Variants in WNK3 observed in about 807,000 individuals in gnomAD.
WNK3 encodes serine/threonine-protein kinase WNK3.
In WNK3, 18 loss-of-function variants were observed where a neutral mutation model predicts 116.7. The ratio of observed to expected loss-of-function variants is 0.15; its 90% confidence interval spans 0.11 to 0.23. The LOEUF (loss-of-function observed/expected upper bound fraction) is 0.23, where lower values mean the gene tolerates loss of function less well. Ranked by LOEUF, WNK3 falls within the 10% of genes least tolerant of loss-of-function variation. WNK3 has a pLI of 1.00. For synonymous variants in WNK3, 404 were observed against 469.4 expected, an observed-to-expected ratio of 0.86 and a Z score of 1.80; for missense variants, 993 against 1,323.8, an observed-to-expected ratio of 0.75 and a Z score of 3.88.
intron 1 of WNK3, among the ~76,000 whole-genome samples, chrX:54,352,975 G>A (rs1210601637): frequency 8.9e-6 from 1 of 111,870 alleles, no homozygotes; most frequent in Non-Finnish European, 1.9e-5. Context: ...GACACAAAAG[G>A]TCATATATTA....
chrX:54,206,796 G>A (rs1362679167), intron 22 of WNK3, among the ~76,000 whole-genome samples: 1 of 111,939 alleles, frequency 8.9e-6, no homozygotes, highest in Non-Finnish European at 1.9e-5. Flanking sequence ...TTGGGAGGCC[G>A]AGGTGGCTGG....
At chrX:54,198,297 T>C (rs1557140640) in exon 24 of WNK3, 2 of 1,090,290 alleles carry the variant, frequency 1.8e-6, no homozygotes, top group South Asian at 2.8e-5. Flanking sequence ...TGAAAAAACC[T>C]CCCTTTTTAT....
intron 10 of WNK3, among the ~76,000 whole-genome samples, chrX:54,270,986 C>CT (rs1276564803): frequency 4.5e-5 from 5 of 111,627 alleles, no homozygotes; most frequent in Non-Finnish European, 7.5e-5. Flanking sequence ...ACCATGTTGG[C>CT]CAGGCTGGTC....
intron 1 of WNK3, among the ~76,000 whole-genome samples, chrX:54,355,079 C>T (rs782209431): frequency 8.1e-4 from 90 of 110,987 alleles, no homozygotes; most frequent in African/African-American, 2.8e-3. Context: ...GCGAGACTCC[C>T]TCTAAAAAAT....
At chrX:54,222,800 C>G (rs1470782558) in intron 22 of WNK3, among the ~76,000 whole-genome samples, 2 of 102,187 alleles carry the variant, frequency 2.0e-5, no homozygotes, top group Non-Finnish European at 3.9e-5. Context: ...CACTTGAACC[C>G]GGGAGGTGGA....
At chrX:54,251,621 C>T in exon 14 of WNK3, 1 of 1,210,790 alleles carries the variant, frequency 8.3e-7, no homozygotes, top group Non-Finnish European at 1.1e-6. Context: ...TGGGCTTGAC[C>T]TACAATAGCT....
Position 54,347,522 on chromosome X carries a change from C to T in WNK3, c.-120+10164G>A, listed in dbSNP as rs141278856. Among the ~76,000 whole-genome samples, 367 of 108,729 alleles carry T rather than the reference C, an allele frequency of 3.4e-3. 2 individuals are homozygous for T. Among genetic ancestry groups the T allele is most frequent in the African/African-American group, 0.012 (363 of 29,984 alleles). 94.4% of individuals were successfully genotyped at this position (108,729 alleles called of 115,157 possible). ...AATAAATAGCCAGGCATGTAGTATG[C>T]GCCTGTAGTCCCAGCTACTTGGGAG... On this transcript the variant is annotated intron_variant, in intron 1 of 23. Transcript: ENST00000354646.
intron 1 of WNK3, among the ~76,000 whole-genome samples, chrX:54,351,707 T>C (rs1446743332): frequency 9.1e-6 from 1 of 110,219 alleles, no homozygotes; most frequent in East Asian, 2.8e-4. Flanking sequence ...AGGTCAGGAG[T>C]TCGAGACCAG....
chrX:54,221,851 CCAAA>C (rs1418554087), intron 22 of WNK3, among the ~76,000 whole-genome samples: 2 of 108,170 alleles, frequency 1.8e-5, no homozygotes, highest in Non-Finnish European at 3.8e-5. Context: ...AACCAACCAA[CCAAA>C]CAAACAAACA....
chrX:54,195,613 T>G (rs2067435495), exon 24 of WNK3: 1 of 111,834 alleles, frequency 8.9e-6, no homozygotes, highest in African/African-American at 3.2e-5. Flanking sequence ...CCCACAGTGA[T>G]GAGAATAACA....
chrX:54,205,262 ACC>A (rs1557142454), intron 22 of WNK3, among the ~76,000 whole-genome samples: 11 of 94,741 alleles, frequency 1.2e-4, no homozygotes, highest in African/African-American at 4.9e-4. Flanking sequence ...CAACCAACCA[ACC>A]AACCAAACAA....
In WNK3 at chrX:54,213,480, G is replaced by A. The variant is rs182272739; in HGVS notation, c.4871-11287C>T. 4.2e-3 allele frequency among the ~76,000 whole-genome samples: 432 copies of A among 102,877 alleles called. 3 individuals carry two copies. Among genetic ancestry groups the A allele is most frequent in the African/African-American group, 0.015 (401 of 26,854 alleles). The allele number at this position is 102,877 out of a possible 115,157, so 89.3% of individuals were successfully genotyped here. On this transcript the variant is annotated intron_variant, in intron 22 of 23. Coordinates refer to ENST00000354646, the Ensembl canonical transcript of WNK3. ...GAGGCAGGAGAATCGCTTGAAACCGGGAAGTGGAGGTTGCAGTGAGCCGAG... is the reference window on the plus strand; with the variant it reads ...GAGGCAGGAGAATCGCTTGAAACCGAGAAGTGGAGGTTGCAGTGAGCCGAG...
At chrX:54,237,167 T>C (rs1293219673) in exon 20 of WNK3, 1 of 1,211,971 alleles carries the variant, frequency 8.3e-7, no homozygotes. Flanking sequence ...CTAGGCTGTT[T>C]CCCAGCAGTC....
chrX:54,212,955 T>A (rs1557144087), intron 22 of WNK3, among the ~76,000 whole-genome samples: 1 of 110,849 alleles, frequency 9.0e-6, no homozygotes, highest in African/African-American at 3.3e-5. Context: ...CTAGAAGCAA[T>A]GATACCTCAA....
intron 1 of WNK3, among the ~76,000 whole-genome samples, chrX:54,336,652 C>T (rs782722350): frequency 9.0e-6 from 1 of 111,168 alleles, no homozygotes; most frequent in African/African-American, 3.3e-5. Flanking sequence ...GGCAGATAGA[C>T]ACCAGGGACT....
intron 13 of WNK3, among the ~76,000 whole-genome samples, chrX:54,253,126 T>C (rs1460999277): frequency 9.2e-6 from 1 of 108,365 alleles, no homozygotes; most frequent in African/African-American, 3.4e-5. Flanking sequence ...ATTGTATACC[T>C]ACATCGAAAT....
chrX:54,296,745 G>A (rs2068702498), intron 7 of WNK3, among the ~76,000 whole-genome samples: 1 of 111,205 alleles, frequency 9.0e-6, no homozygotes, highest in African/African-American at 3.3e-5. Flanking sequence ...TGGCGCAGAT[G>A]GTTTGTACTC....
chrX:54,345,693 C>T, intron 1 of WNK3, among the ~76,000 whole-genome samples: 1 of 106,907 alleles, frequency 9.4e-6, no homozygotes, highest in Non-Finnish European at 1.9e-5. Flanking sequence ...GGCTGAGGCA[C>T]GAGAATCGCT....
intron 1 of WNK3, among the ~76,000 whole-genome samples, chrX:54,338,989 AAG>A (rs1557175943): frequency 9.8e-6 from 1 of 102,412 alleles, no homozygotes; most frequent in Non-Finnish European, 2.0e-5. Context: ...GTGACAGAGC[AAG>A]ACTCTGTCTC....
Sources: gnomAD v4.1 joint callset for allele counts (sites outside exome capture counted in the v4.1 genomes callset) on GRCh38, gnomAD v4.1.1 for gene constraint, MANE v1.5 for transcripts, NCBI Gene and HGNC (gene_info 2026-07-23, HGNC 2026-07-21) for gene names.